SMIM41: variants seen among roughly 807,000 people sequenced by gnomAD.
SMIM41 encodes small integral membrane protein 41.
chr12:52,096,480 T>G (rs1940096478), intron 2 of SMIM41, among the ~76,000 whole-genome samples: 1 of 151,926 alleles, frequency 6.6e-6, no homozygotes, highest in African/African-American at 2.4e-5. Flanking sequence ...AGGAGTAATA[T>G]TAGTATTAAT....
chr12:52,091,271 G>C (rs1264390141), intron 2 of SMIM41, among the ~76,000 whole-genome samples: 1 of 152,178 alleles, frequency 6.6e-6, no homozygotes, highest in Non-Finnish European at 1.5e-5. Flanking sequence ...TGGCCATTCA[G>C]GGAGCTGTCC....
chr12:52,099,442 T>A (rs934982967), intron 2 of SMIM41, among the ~76,000 whole-genome samples: 2 of 151,486 alleles, frequency 1.3e-5, no homozygotes, highest in African/African-American at 4.9e-5. Flanking sequence ...GATATTGGTG[T>A]AAAACCCCCT....
At chr12:52,087,076 C>T (rs746794227) in intron 2 of SMIM41, among the ~76,000 whole-genome samples, 1 of 152,218 alleles carries the variant, frequency 6.6e-6, no homozygotes, top group Non-Finnish European at 1.5e-5. Context: ...TTACTGCAAG[C>T]CTTCCCTGCT....
intron 1 of SMIM41, among the ~76,000 whole-genome samples, chr12:52,082,373 G>C (rs1352133462): frequency 6.6e-6 from 1 of 151,648 alleles, no homozygotes; most frequent in Admixed American, 6.6e-5. Flanking sequence ...GGGGGCAAAG[G>C]CTTTCTTCAT....
intron 2 of SMIM41, among the ~76,000 whole-genome samples, chr12:52,101,282 G>A (rs112153621): frequency 0.03 from 4,475 of 148,970 alleles, 74 homozygotes; most frequent in South Asian, 0.075. Flanking sequence ...AAAATTAGCC[G>A]GGTGTGGTGA....
intron 2 of SMIM41, among the ~76,000 whole-genome samples, chr12:52,086,424 T>C (rs1939893843): frequency 6.6e-6 from 1 of 152,154 alleles, no homozygotes; most frequent in African/African-American, 2.4e-5. Context: ...ATATACTCTT[T>C]CATGCTGTAT....
intron 2 of SMIM41, among the ~76,000 whole-genome samples, chr12:52,098,701 C>T (rs534701055): frequency 1.5e-3 from 219 of 149,264 alleles, no homozygotes; most frequent in African/African-American, 5.2e-3. Context: ...GAAGTATCAT[C>T]CTCTCCCCCC....
intron 2 of SMIM41, among the ~76,000 whole-genome samples, 197 bp downstream of exon 2, chr12:52,084,165 G>T (rs1351893141): frequency 6.6e-6 from 1 of 152,104 alleles, no homozygotes. Context: ...CACGAGGTCA[G>T]GAGTTTGAGA....
chr12:52,083,239 G>A (rs916768794), intron 1 of SMIM41, among the ~76,000 whole-genome samples: 1 of 151,960 alleles, frequency 6.6e-6, no homozygotes, highest in Non-Finnish European at 1.5e-5. Context: ...AGGCAGCAAC[G>A]GTCTGACAGT....
rs1940364166 is a variant in SMIM41 at position 52,107,464 on chromosome 12, A to C, written c.*281A>C. 1 of 622,682 alleles carries C rather than the reference A, an allele frequency of 1.6e-6. No individual in the cohort carries two copies. The highest frequency in any genetic ancestry group is 1.4e-5 in the South Asian group (1 of 73,346). 38.6% of individuals were successfully genotyped at this position (622,682 alleles called of 1,614,324 possible). On this transcript the variant is annotated 3_prime_UTR_variant, in exon 3 of 3. Coordinates refer to ENST00000546390, the MANE Select transcript of SMIM41 (RefSeq NM_001369216.1). ...GGTCATGGTGCTGGGGAACCTGCTCATCATCCGGCCATGAGCCCTGACTCC... is the reference window on the plus strand; with the variant it reads ...GGTCATGGTGCTGGGGAACCTGCTCCTCATCCGGCCATGAGCCCTGACTCC...
At chr12:52,094,574 A>G (rs932981198) in intron 2 of SMIM41, 2 of 152,290 alleles carry the variant, frequency 1.3e-5, no homozygotes, top group Non-Finnish European at 2.9e-5. Flanking sequence ...CATCCAGGTA[A>G]CCTGCGCCTC....
At chr12:52,102,601 T>C (rs994861660) in intron 2 of SMIM41, among the ~76,000 whole-genome samples, 1 of 152,164 alleles carries the variant, frequency 6.6e-6, no homozygotes, top group Non-Finnish European at 1.5e-5. Flanking sequence ...AAAGAAGATA[T>C]AGCAATGGCC....
At chr12:52,080,995 C>G (rs1241811010) in intron 1 of SMIM41, among the ~76,000 whole-genome samples, 1 of 152,008 alleles carries the variant, frequency 6.6e-6, no homozygotes, top group Admixed American at 6.5e-5. Flanking sequence ...GAGCGCTGCT[C>G]CGGGAAGTGG....
In SMIM41 at chr12:52,084,302, G is replaced by A. The variant is rs192603270; in HGVS notation, c.*195+334G>A. ...GGAGGCAGAGGTTGCAGTGAGCCGC[G>A]ATCGTGCCACTACACTCCAGCCTGG... On this transcript the variant is annotated intron_variant, in intron 2 of 2. Coordinates refer to ENST00000546390, the MANE Select transcript of SMIM41 (RefSeq NM_001369216.1). 1.3e-4 allele frequency among the ~76,000 whole-genome samples: 20 copies of A among 151,262 alleles called. No individual in the cohort carries two copies. In the East Asian group the frequency reaches 3.7e-3, roughly 28 times the overall value.
chr12:52,082,918 G>T (rs1939839032), intron 1 of SMIM41, among the ~76,000 whole-genome samples: 1 of 152,142 alleles, frequency 6.6e-6, no homozygotes. Flanking sequence ...CCACTCTGGG[G>T]ATCCCCTGCC....
At position 52,091,187 on chromosome 12, in the gene SMIM41, C is replaced by T. The variant is rs568444735; in HGVS notation, c.*195+7219C>T. On this transcript the variant is annotated intron_variant, in intron 2 of 2. Coordinates refer to ENST00000546390, the MANE Select transcript of SMIM41 (RefSeq NM_001369216.1). ...CCACCACATCTGGCTATCTCCTTTC[C>T]ACCATATAGAGTTCCCTGGCGTTTT... is the stretch of plus-strand genomic sequence containing the variant. Among the ~76,000 whole-genome samples, 6 of 152,080 alleles carry T rather than the reference C, an allele frequency of 3.9e-5. No individual in the cohort carries two copies. In the South Asian group the frequency reaches 1.2e-3, roughly 32 times the overall value.
At position 52,081,257 on chromosome 12, in the gene SMIM41, G is replaced by T. The variant is rs1337803901; in HGVS notation, c.*120+1076G>T. Among the ~76,000 whole-genome samples the T allele has an allele frequency of 2.6e-5, 4 of 152,024 alleles. No homozygotes were observed. Among genetic ancestry groups the T allele is most frequent in the South Asian group, 2.1e-4 (1 of 4,826 alleles). ...GTCAGGGGTGACTTTGGCCTCTCTT[G>T]CCCCCCCTCCCCCGATTCTGGAGCC... On this transcript the variant is annotated intron_variant, in intron 1 of 2. Coordinates refer to ENST00000546390, the MANE Select transcript of SMIM41 (RefSeq NM_001369216.1). This position sits in a 1 kb window ranked among gnomAD's most constrained non-coding sequence, Gnocchi z 4.1.
At chr12:52,087,830 C>T (rs545052502) in intron 2 of SMIM41, 1 of 152,406 alleles carries the variant, frequency 6.6e-6, no homozygotes, top group Non-Finnish European at 1.5e-5. Flanking sequence ...CCCTCAGCTC[C>T]TAGGCCTGCC....
intron 2 of SMIM41, among the ~76,000 whole-genome samples, chr12:52,085,066 G>A (rs1939874617): frequency 6.6e-6 from 1 of 152,184 alleles, no homozygotes; most frequent in African/African-American, 2.4e-5. Flanking sequence ...CTGAGAGGAT[G>A]TGTTATCAGT....
Sources: gnomAD v4.1 joint callset for allele counts (sites outside exome capture counted in the v4.1 genomes callset) on GRCh38, gnomAD v4.1.1 for gene constraint, Gnocchi (gnomAD v3.1) non-coding constraint, MANE v1.5 for transcripts, NCBI Gene and HGNC (gene_info 2026-07-23, HGNC 2026-07-21) for gene names.